The following PIMREG variants were observed in gnomAD, a reference collection of about 807,000 sequenced individuals.
PIMREG encodes protein PIMREG.
A neutral mutation model predicts 24.3 loss-of-function variants in PIMREG; 19 were observed. That is an observed-to-expected ratio of 0.78 (90% CI 0.54 to 1.15). The LOEUF is 1.15. Ranked by LOEUF, PIMREG falls within the 50% of genes most tolerant of loss-of-function variation. The pLI is 0.00. For missense variants in PIMREG, 283 were observed against 306.8 expected (o/e 0.92, Z 0.58); for synonymous variants, 112 against 124.1 (o/e 0.90, Z 0.65).
At position 6,445,234 on chromosome 17, in the gene PIMREG, G is replaced by A. The variant is rs971409418; in HGVS notation, c.124G>A (p.Ala42Thr). 1 of 1,613,752 alleles carries A rather than the reference G, an allele frequency of 6.2e-7. No individual in the cohort carries two copies. The highest frequency in any genetic ancestry group is 1.1e-5 in the South Asian group (1 of 91,044). ...VVSHQETSVG[A>T]LGSLCRQFQR... The stretch of plus-strand genomic sequence containing the variant: ...CAGCCATCAGGAGACCTCTGTAGGG[G>A]CCCTGGGGTCCCTGTGCAGACAGTT... Residue 42 changes from alanine (A) to threonine (T), a missense_variant, in exon 2 of 6, where the codon GCC (alanine) becomes ACC (threonine). Ala to Thr is a moderately conservative substitution (Grantham distance 58, BLOSUM62 0). Coordinates refer to ENST00000572447, the MANE Select transcript of PIMREG (RefSeq NM_019013.3).
rs746673933 is a variant in PIMREG at position 6,447,630 on chromosome 17, C to T, written c.462C>T (p.Asp154=). ...CCGCCCCTGCCCACTCAGCCGCAGA[C>T]CCCTGGGAGAAGGAGCATCACCGCC... The part of the protein sequence containing the change: ...SGAAPAHSAA[D]PWEKEHHRLS... Residue 154 remains aspartate (D), a synonymous_variant, in exon 3 of 6, where the codon GAC becomes GAT. Coordinates refer to ENST00000572447, the MANE Select transcript of PIMREG (RefSeq NM_019013.3). 2 of 1,613,930 alleles carry T rather than the reference C, an allele frequency of 1.2e-6. No individual in the cohort carries two copies. Among genetic ancestry groups the T allele is most frequent in the South Asian group, 1.1e-5 (1 of 91,086 alleles).
chr17:6,450,806 T>G lies in PIMREG; in HGVS notation c.*459T>G. On this transcript the variant is annotated 3_prime_UTR_variant, in exon 6 of 6. Coordinates refer to ENST00000572447, the MANE Select transcript of PIMREG (RefSeq NM_019013.3). ...AAGGCTCTTGAGGGCCCCACTCTCA[T>G]CCCTCCTTTCCCTACCAGGGACTCG... 1 of 211,150 alleles carries G rather than the reference T, an allele frequency of 4.7e-6. No individual in the cohort carries two copies. Among genetic ancestry groups the G allele is most frequent in the East Asian group, 1.1e-4 (1 of 8,912 alleles). The allele number at this position is 211,150 out of a possible 1,614,324, so 13.1% of individuals were successfully genotyped here.
rs138629038 is a variant in PIMREG, at chr17:6,450,450, G to A, written c.*103G>A. On this transcript the variant is annotated 3_prime_UTR_variant, in exon 6 of 6. Coordinates refer to ENST00000572447, the MANE Select transcript of PIMREG (RefSeq NM_019013.3). ...TTCCTGGAAAAAACCCCCGGGAGTC[G>A]TCAGTACCCCTGGGCCACTGCTAAC... The A allele has an allele frequency of 6.6e-5, 102 of 1,547,832 alleles. No homozygotes were observed. The African/African-American group carries it at 6.6e-4, about 10-fold the overall frequency.
At position 6,445,142 on chromosome 17, in the gene PIMREG, C is replaced by A. The variant is rs1192167435; in HGVS notation, c.32C>A (p.Ser11Tyr). The A allele has an allele frequency of 1.2e-6, 2 of 1,603,856 alleles. No individual in the cohort carries two copies. The highest frequency in any genetic ancestry group is 1.7e-6 in the Non-Finnish European group (2 of 1,174,768). MASRWQNMGTSVRRRSLQHQE... is the reference protein window; with the variant it reads MASRWQNMGTYVRRRSLQHQE... Reference sequence around the variant, plus strand: ...TCTCGGTGGCAGAACATGGGGACCTCCGTGCGCCGGAGATCTCTCCAGCAC... The same window carrying A: ...TCTCGGTGGCAGAACATGGGGACCTACGTGCGCCGGAGATCTCTCCAGCAC... Residue 11 changes from serine (S) to tyrosine (Y), a missense_variant, in exon 2 of 6, where the codon TCC becomes TAC. Physicochemically the swap from Ser to Tyr is moderately radical, Grantham distance 144 (BLOSUM62 -2). Transcript: ENST00000572447.
rs1913505545 is a variant in PIMREG at position 6,444,719 on chromosome 17, G to C, written c.-36+231G>C. Among the ~76,000 whole-genome samples the C allele has an allele frequency of 6.6e-6, 1 of 152,118 alleles. No individual in the cohort carries two copies. On this transcript the variant is annotated intron_variant, in intron 1 of 5. Coordinates refer to ENST00000572447, the MANE Select transcript of PIMREG (RefSeq NM_019013.3). This position sits in a 1 kb window ranked among gnomAD's most constrained non-coding sequence, Gnocchi z 4.3. Reference sequence around the variant, plus strand: ...AAGGCCGGGGTCTGGGCGGGTGCGCGTTTGGTCTGGGCGAGCTGGTGAAGA... The same window carrying C: ...AAGGCCGGGGTCTGGGCGGGTGCGCCTTTGGTCTGGGCGAGCTGGTGAAGA...
rs1298058420 is a variant in PIMREG at position 6,445,313 on chromosome 17, C to A, written c.203C>A (p.Ser68Tyr). 1 of 1,614,080 alleles carries A rather than the reference C, an allele frequency of 6.2e-7. No individual in the cohort carries two copies. Among genetic ancestry groups the A allele is most frequent in the South Asian group, 1.1e-5 (1 of 91,068 alleles). ...AACCTCAACCTCCGCGCAGGGCCCTCCTGGAAACGCCTGGAAACCCCAGAG... is the reference window on the plus strand; with the variant it reads ...AACCTCAACCTCCGCGCAGGGCCCTACTGGAAACGCCTGGAAACCCCAGAG... ...AVNLNLRAGP[S>Y]WKRLETPEPG... Residue 68 changes from serine to tyrosine, a missense_variant, in exon 2 of 6, where the codon TCC becomes TAC. Coordinates refer to ENST00000572447, the MANE Select transcript of PIMREG (RefSeq NM_019013.3).
At chr17:6,449,460 C>A in intron 4 of PIMREG, 53 bp downstream of exon 4, 2 of 1,515,258 alleles carry the variant, frequency 1.3e-6, no homozygotes, top group Non-Finnish European at 1.8e-6. Context: ...GCCCCTCCAG[C>A]CATCTTTGTA....
intron 5 of PIMREG, 104 bp downstream of exon 5, chr17:6,450,176 A>G: frequency 7.7e-7 from 1 of 1,298,500 alleles, no homozygotes; most frequent in Non-Finnish European, 1.1e-6. Flanking sequence ...ACAGCAGAGT[A>G]GGTAGTACCT....
intron 3 of PIMREG, 130 bp downstream of exon 3, chr17:6,447,888 A>AG (rs1913647362): frequency 1.1e-6 from 1 of 883,578 alleles, no homozygotes; most frequent in Non-Finnish European, 1.7e-6. Flanking sequence ...ACCTGGAGCC[A>AG]GGGGCACCCT....
At chr17:6,446,142 G>A (rs1295783741) in intron 2 of PIMREG, 2 of 400,542 alleles carry the variant, frequency 5.0e-6, no homozygotes, top group African/African-American at 2.1e-5. Context: ...GAGGGGATTT[G>A]CTGTCAAATG....
chr17:6,445,933 G>A (rs1913554175), intron 2 of PIMREG, among the ~76,000 whole-genome samples: 2 of 152,194 alleles, frequency 1.3e-5, no homozygotes, highest in Admixed American at 6.5e-5. Flanking sequence ...AGGATATGAA[G>A]GAGCTTAGAA....
At chr17:6,450,302 G>C in intron 5 of PIMREG, 60 bp from the exon 6 acceptor site, 2 of 1,461,654 alleles carry the variant, frequency 1.4e-6, no homozygotes, top group Non-Finnish European at 1.8e-6. Flanking sequence ...AGTGAGCAGG[G>C]AAAGGCATCC....
At chr17:6,449,534 C>A in intron 4 of PIMREG, 127 bp downstream of exon 4, 1 of 1,017,012 alleles carries the variant, frequency 9.8e-7, no homozygotes, top group Non-Finnish European at 1.4e-6. Flanking sequence ...CCTCTCTGGG[C>A]CTCAGTCTCC....
rs189190222 is a variant in PIMREG at position 6,445,103 on chromosome 17, C to A, written c.-8C>A. On this transcript the variant is annotated 5_prime_UTR_variant, in exon 2 of 6. Coordinates refer to ENST00000572447, the MANE Select transcript of PIMREG (RefSeq NM_019013.3). The stretch of plus-strand genomic sequence containing the variant: ...TCTAGTGGACAGAGAAGACTCTTGG[C>A]CAGGCAGATGGCTTCTCGGTGGCAG... 314 of 1,580,764 alleles carry A rather than the reference C, an allele frequency of 2.0e-4. 1 individual carries two copies. The highest frequency in any genetic ancestry group is 2.0e-3 in the South Asian group (172 of 87,574).
At position 6,450,038 on chromosome 17, in the gene PIMREG, G is replaced by A. The variant is rs956743701; in HGVS notation, c.697G>A (p.Val233Ile). 5.0e-6 allele frequency: 8 copies of A among 1,614,130 alleles called. No homozygotes were observed. The highest frequency in any genetic ancestry group is 3.3e-5 in the Admixed American group (2 of 60,032). Residue 233 changes from valine to isoleucine, a missense_variant, in exon 5 of 6, where the codon GTC becomes ATC. Physicochemically the swap from Val to Ile is conservative, Grantham distance 29 (BLOSUM62 3). Coordinates refer to ENST00000572447, the MANE Select transcript of PIMREG (RefSeq NM_019013.3). ...AIMAEESGDI[V>I]SLIHD ...TCCCCTTCTCTCTAGTGGTGACATC[G>A]TCTCTCTCATTCATGACTGAGGAAG...
At chr17:6,450,227 C>T (rs878966030) in intron 5 of PIMREG, 135 bp from the exon 6 acceptor site, 65 of 1,108,206 alleles carry the variant, frequency 5.9e-5, no homozygotes, top group Non-Finnish European at 8.2e-5. Context: ...TCACTGACCC[C>T]GTCATTAACA....
Position 6,449,327 on chromosome 17 carries a change from C to T in PIMREG, c.606C>T (p.Asp202=). The T allele has an allele frequency of 6.2e-7, 1 of 1,612,610 alleles. No individual in the cohort carries two copies. The highest frequency in any genetic ancestry group is 8.5e-7 in the Non-Finnish European group (1 of 1,179,406). The change falls in exon 4 of 6, where the codon GAC becomes GAT. Residue 202 remains aspartate (D), a synonymous_variant. Transcript: ENST00000572447. The part of the protein sequence containing the change: ...PLCSPSESDS[D]LEPVGAGIQH... ...TTTCATGCAGCGAGTCTGACAGTGA[C>T]CTAGAGCCTGTGGGGGCGGGAATTC...
intron 5 of PIMREG, 49 bp downstream of exon 5, chr17:6,450,121 T>C: frequency 6.3e-7 from 1 of 1,583,626 alleles, no homozygotes; most frequent in Non-Finnish European, 8.7e-7. Flanking sequence ...CTCCTCCATC[T>C]CATGCATGAG....
chr17:6,446,465 C>T (rs59710952), intron 2 of PIMREG, among the ~76,000 whole-genome samples: 6,585 of 152,246 alleles, frequency 0.043, 382 homozygotes, highest in African/African-American at 0.13. Flanking sequence ...TCACCACCCT[C>T]AGGGATCAGA....
Sources: allele counts gnomAD v4.1 joint callset (sites outside exome capture counted in the v4.1 genomes callset), GRCh38; gene constraint gnomAD v4.1.1; non-coding constraint Gnocchi (gnomAD v3.1); transcripts MANE v1.5; gene names NCBI Gene and HGNC (gene_info 2026-07-23, HGNC 2026-07-21).